RNF13: variants seen among roughly 807,000 people sequenced by gnomAD.
The protein encoded by RNF13 is E3 ubiquitin-protein ligase RNF13.
RNF13 carries 19 observed loss-of-function variants against 37.7 expected under a neutral mutation model. The ratio of observed to expected loss-of-function variants is 0.50; its 90% CI spans 0.35 to 0.74. RNF13 has a LOEUF of 0.74. Ranked by LOEUF, RNF13 falls within the 30% of genes least tolerant of loss-of-function variation. The pLI is 0.01. For missense variants in RNF13, 375 were observed against 453.0 expected (o/e 0.83, Z 1.56); for synonymous variants, 144 against 157.8 (o/e 0.91, Z 0.65).
At chr3:149,946,644 C>T (rs1306519574) in intron 8 of RNF13, among the ~76,000 whole-genome samples, 5 of 152,160 alleles carry the variant, frequency 3.3e-5, no homozygotes, top group Admixed American at 1.3e-4. Flanking sequence ...ATTTCTATGA[C>T]ATCAGTTGAA....
At chr3:149,815,113 A>G (rs1016742005) in intron 1 of RNF13, among the ~76,000 whole-genome samples, 2 of 152,138 alleles carry the variant, frequency 1.3e-5, no homozygotes, top group African/African-American at 4.8e-5. Context: ...GGAGGGGCAT[A>G]AATTGTTGCT....
intron 8 of RNF13, among the ~76,000 whole-genome samples, chr3:149,931,538 G>T (rs1719163616): frequency 6.6e-6 from 1 of 151,458 alleles, no homozygotes; most frequent in African/African-American, 2.4e-5. Flanking sequence ...TCCCTGTACT[G>T]CTTTCATTGC....
Position 149,866,424 on chromosome 3 carries a change from C to A in RNF13, c.196-5605C>A, listed in dbSNP as rs188753732. ...TGTCATGGCGCTGGTGGGAGTGTAG[C>A]AGTGAGGAAGACCAGAGGTCACTCA... On this transcript the variant is annotated intron_variant, in intron 3 of 9. Transcript: ENST00000392894. Among the ~76,000 whole-genome samples, 277 of 152,324 alleles carry A rather than the reference C, an allele frequency of 1.8e-3. 1 individual carries two copies. The highest frequency in any genetic ancestry group is 6.4e-3 in the African/African-American group (266 of 41,580).
chr3:149,913,079 G>A (rs771808721), intron 7 of RNF13, among the ~76,000 whole-genome samples: 14 of 151,946 alleles, frequency 9.2e-5, no homozygotes, highest in Non-Finnish European at 1.5e-4. Context: ...ATTTATTATT[G>A]TATTGAATTC....
intron 8 of RNF13, among the ~76,000 whole-genome samples, chr3:149,942,871 T>C (rs939632999): frequency 2.6e-5 from 4 of 152,188 alleles, no homozygotes; most frequent in African/African-American, 9.6e-5. Context: ...GGATAGTTTT[T>C]TTCTATTCCT....
At chr3:149,953,906 T>A (rs1383055345) in intron 8 of RNF13, among the ~76,000 whole-genome samples, 2 of 152,218 alleles carry the variant, frequency 1.3e-5, no homozygotes, top group East Asian at 1.9e-4. Context: ...CAATTATTAT[T>A]ATAAAAGCAA....
chr3:149,875,828 T>C (rs527640207), intron 4 of RNF13, among the ~76,000 whole-genome samples: 69 of 6,490 alleles, frequency 0.011, no homozygotes, highest in Middle Eastern at 0.077. Context: ...CTCTGAAAAA[T>C]ACAGCTCTTT....
At chr3:149,818,907 T>C (rs1033943098) in intron 1 of RNF13, among the ~76,000 whole-genome samples, 1 of 151,896 alleles carries the variant, frequency 6.6e-6, no homozygotes, top group Non-Finnish European at 1.5e-5. Context: ...CGTGACTCTG[T>C]CTCAAAAAAA....
At chr3:149,911,347 G>C (rs939632326) in intron 6 of RNF13, among the ~76,000 whole-genome samples, 5 of 152,072 alleles carry the variant, frequency 3.3e-5, no homozygotes, top group African/African-American at 1.2e-4. Context: ...TTTTGCCCCA[G>C]CTACTAAATT....
intron 3 of RNF13, among the ~76,000 whole-genome samples, chr3:149,863,229 A>G (rs1724456268): frequency 6.6e-6 from 1 of 152,232 alleles, no homozygotes; most frequent in Non-Finnish European, 1.5e-5. Context: ...GTGTTCAACT[A>G]TAAACTGAGT....
intron 8 of RNF13, among the ~76,000 whole-genome samples, chr3:149,923,764 CAA>C (rs375634287): frequency 2.2e-4 from 12 of 54,988 alleles, no homozygotes; most frequent in Admixed American, 2.1e-4. Context: ...GACTCCATCT[CAA>C]AAAAAAAAAA....
intron 8 of RNF13, among the ~76,000 whole-genome samples, chr3:149,951,378 C>A (rs1322929020): frequency 3.3e-5 from 5 of 152,198 alleles, no homozygotes; most frequent in Admixed American, 2.0e-4. Context: ...GCTATGGTTC[C>A]TAAGAAATCA....
rs199817786 is a variant in RNF13, at chr3:149,840,802, A to AT, written c.-16-5209_-16-5208insT. Among the ~76,000 whole-genome samples, 252 of 152,320 alleles carry AT rather than the reference A, an allele frequency of 1.7e-3. 5 individuals are homozygous for AT. In the East Asian group the frequency reaches 0.045, roughly 27 times the overall value. On this transcript the variant is annotated intron_variant, in intron 1 of 9. Coordinates refer to ENST00000392894, the MANE Select transcript of RNF13 (RefSeq NM_183381.3). Reference sequence around the variant, plus strand: ...CTTGGTAGGAGGTAGGAGGATAGAGACTGGGAGCACAACATATCAACATAA... The same window carrying AT: ...CTTGGTAGGAGGTAGGAGGATAGAGATCTGGGAGCACAACATATCAACATAA...
intron 8 of RNF13, among the ~76,000 whole-genome samples, chr3:149,940,909 A>T (rs1208219461): frequency 2.0e-5 from 3 of 152,090 alleles, no homozygotes; most frequent in Non-Finnish European, 4.4e-5. Context: ...CTACAATTTG[A>T]CTACTTTAGA....
intron 7 of RNF13, among the ~76,000 whole-genome samples, chr3:149,912,628 A>G (rs1717104899): frequency 6.6e-6 from 1 of 152,164 alleles, no homozygotes; most frequent in South Asian, 2.1e-4. Context: ...TAAAATGTTA[A>G]TTATAGAATC....
Position 149,911,988 on chromosome 3 carries a change from A to T in RNF13, c.511A>T (p.Ile171Phe), listed in dbSNP as rs756485383. 3.8e-6 allele frequency: 6 copies of T among 1,562,718 alleles called. No homozygotes were observed. The highest frequency in any genetic ancestry group is 5.3e-6 in the Non-Finnish European group (6 of 1,135,296). Reference sequence around the variant, plus strand: ...TTTGTTTTCTTCTAGGGGCCACCTTATCTTAGTTCCAGAATTTAGTCTTCC... The same window carrying T: ...TTTGTTTTCTTCTAGGGGCCACCTTTTCTTAGTTCCAGAATTTAGTCTTCC... ...EFTYEKGGHL[I>F]LVPEFSLPLE... The change falls in exon 7 of 10, where the codon ATC (isoleucine) becomes TTC (phenylalanine). Residue 171 changes from isoleucine to phenylalanine, a missense_variant. By Grantham distance (21) the Ile-to-Phe change is conservative. Transcript: ENST00000392894.
At chr3:149,821,291 A>T (rs1207357906) in intron 1 of RNF13, among the ~76,000 whole-genome samples, 1 of 152,096 alleles carries the variant, frequency 6.6e-6, no homozygotes, top group Non-Finnish European at 1.5e-5. Flanking sequence ...GCAATGTGTG[A>T]GGGTTCCAAT....
At chr3:149,876,995 G>C (rs1237592269) in intron 4 of RNF13, among the ~76,000 whole-genome samples, 1 of 151,916 alleles carries the variant, frequency 6.6e-6, no homozygotes, top group Non-Finnish European at 1.5e-5. Flanking sequence ...GGCCAGGCTA[G>C]TCTTGAACTC....
At chr3:149,952,737 T>G (rs1721468563) in intron 8 of RNF13, among the ~76,000 whole-genome samples, 1 of 152,062 alleles carries the variant, frequency 6.6e-6, no homozygotes, top group African/African-American at 2.4e-5. Context: ...GTAGCTGGGA[T>G]TACAGGCATG....
Sources: allele counts gnomAD v4.1 joint callset (sites outside exome capture counted in the v4.1 genomes callset), GRCh38; gene constraint gnomAD v4.1.1; transcripts MANE v1.5; gene names NCBI Gene and HGNC (gene_info 2026-07-23, HGNC 2026-07-21).